The following ARL8B variants were observed in gnomAD, a reference collection of about 807,000 sequenced individuals.
ARL8B encodes the protein ARF like GTPase 8B, also known as ADP-ribosylation factor-like protein 8B.
ARL8B carries 9 observed loss-of-function variants against 30.6 expected under a neutral mutation model. The observed-to-expected ratio is 0.29, with a 90% CI of 0.18 to 0.51. The LOEUF (loss-of-function observed/expected upper bound fraction) is 0.51, where lower values mean the gene tolerates loss of function less well. ARL8B is among the 20% of genes least tolerant of loss of function. The probability of loss-of-function intolerance (pLI) is 0.97; values close to 1 mark genes in which losing one functional copy is unlikely to be tolerated. For missense variants in ARL8B, 130 were observed against 227.2 expected, an observed-to-expected ratio of 0.57 and a Z score of 2.75; for synonymous variants, 74 against 76.0, an observed-to-expected ratio of 0.97 and a Z score of 0.14.
At chr3:5,178,620 A>G in intron 6 of ARL8B, 44 bp from the exon 7 acceptor site, 1 of 1,567,484 alleles carries the variant, frequency 6.4e-7, no homozygotes, top group Non-Finnish European at 8.7e-7. Flanking sequence ...TTTGATGTTT[A>G]GTTTTTTAAC....
At chr3:5,171,616 G>A (rs919489971) in intron 2 of ARL8B, among the ~76,000 whole-genome samples, 4 of 152,154 alleles carry the variant, frequency 2.6e-5, no homozygotes, top group African/African-American at 9.7e-5. Context: ...CCAAAGTGCT[G>A]GGATTATAGG....
chr3:5,160,871 G>C lies in ARL8B; in HGVS notation c.124-9632G>C, dbSNP rs535327134. On this transcript the variant is annotated intron_variant, in intron 1 of 6. Coordinates refer to ENST00000256496, the MANE Select transcript of ARL8B (RefSeq NM_018184.3). ...AAAAATCCATGTTGCTACTATTTGG[G>C]ATGTTATAGATCCTGACAGGATAAA... Among the ~76,000 whole-genome samples, 38 of 152,296 alleles carry C rather than the reference G, an allele frequency of 2.5e-4. 1 individual carries two copies. In the South Asian group the frequency reaches 7.9e-3, roughly 32 times the overall value.
At chr3:5,165,146 G>A (rs2054613512) in intron 1 of ARL8B, among the ~76,000 whole-genome samples, 1 of 152,102 alleles carries the variant, frequency 6.6e-6, no homozygotes, top group Admixed American at 6.5e-5. Flanking sequence ...TGCAGCTAAT[G>A]ATCAGTTTGT....
intron 2 of ARL8B, among the ~76,000 whole-genome samples, chr3:5,171,602 C>T (rs1457758341): frequency 6.6e-6 from 1 of 152,206 alleles, no homozygotes; most frequent in Non-Finnish European, 1.5e-5. Flanking sequence ...CCCGCCTCGG[C>T]CTCCCAAAGT....
At chr3:5,165,361 T>C (rs1424497172) in intron 1 of ARL8B, among the ~76,000 whole-genome samples, 1 of 152,190 alleles carries the variant, frequency 6.6e-6, no homozygotes, top group Non-Finnish European at 1.5e-5. Flanking sequence ...AAAATGAGTA[T>C]TGGTAATTAT....
intron 1 of ARL8B, among the ~76,000 whole-genome samples, chr3:5,148,125 A>T (rs1487182854): frequency 6.6e-6 from 1 of 151,990 alleles, no homozygotes; most frequent in Non-Finnish European, 1.5e-5. Context: ...TCCTGTGAAT[A>T]GGCTATTCAT....
At chr3:5,174,161 TGA>T in intron 5 of ARL8B, 77 bp downstream of exon 5, 1 of 1,326,106 alleles carries the variant, frequency 7.5e-7, no homozygotes, top group South Asian at 1.2e-5. Context: ...TTATTCCTAA[TGA>T]TCATAGCCAT....
chr3:5,124,305 C>G (rs995480985), intron 1 of ARL8B, among the ~76,000 whole-genome samples: 1 of 130,856 alleles, frequency 7.6e-6, no homozygotes, highest in African/African-American at 2.9e-5. Context: ...CAAGATCTTC[C>G]TATGTTGCCA....
intron 1 of ARL8B, among the ~76,000 whole-genome samples, chr3:5,134,465 A>G (rs2054308576): frequency 6.6e-6 from 1 of 152,224 alleles, no homozygotes; most frequent in Non-Finnish European, 1.5e-5. Flanking sequence ...GTTTCTGGAA[A>G]GTGCCTGGCT....
At chr3:5,131,487 T>G (rs2054283538) in intron 1 of ARL8B, among the ~76,000 whole-genome samples, 1 of 150,412 alleles carries the variant, frequency 6.6e-6, no homozygotes, top group South Asian at 2.1e-4. Context: ...GCCTCCCGAG[T>G]TCAAGCGATT....
intron 1 of ARL8B, among the ~76,000 whole-genome samples, chr3:5,161,327 A>G (rs1024682821): frequency 4.6e-5 from 7 of 152,336 alleles, no homozygotes; most frequent in Admixed American, 2.6e-4. Flanking sequence ...AAACCCAGCA[A>G]TATTAACACT....
intron 4 of ARL8B, 97 bp downstream of exon 4, chr3:5,172,837 C>T: frequency 1.2e-6 from 1 of 817,658 alleles, no homozygotes; most frequent in Non-Finnish European, 1.9e-6. Context: ...AAATCAGTAA[C>T]ATGTCTTCAT....
At chr3:5,154,803 G>A (rs1050213695) in intron 1 of ARL8B, among the ~76,000 whole-genome samples, 2 of 152,126 alleles carry the variant, frequency 1.3e-5, no homozygotes, top group Admixed American at 1.3e-4. Flanking sequence ...CTCTGCCTCC[G>A]GGGTTCATGT....
chr3:5,129,141 A>G (rs1458959439), intron 1 of ARL8B, among the ~76,000 whole-genome samples: 1 of 151,592 alleles, frequency 6.6e-6, no homozygotes, highest in Non-Finnish European at 1.5e-5. Context: ...GAAAGTGTAC[A>G]CTCCCACTGA....
chr3:5,147,151 C>T (rs186796694), intron 1 of ARL8B, among the ~76,000 whole-genome samples: 1 of 152,168 alleles, frequency 6.6e-6, no homozygotes, highest in East Asian at 1.9e-4. Context: ...TAGGATATCT[C>T]CTAATGCTAT....
chr3:5,153,492 C>T (rs190600128), intron 1 of ARL8B, among the ~76,000 whole-genome samples: 2 of 152,206 alleles, frequency 1.3e-5, no homozygotes, highest in African/African-American at 4.8e-5. Flanking sequence ...CCACATGGAA[C>T]TGTTAAATCC....
intron 5 of ARL8B, 72 bp from the exon 6 acceptor site, chr3:5,174,272 G>A (rs2054705324): frequency 2.5e-6 from 3 of 1,209,750 alleles, no homozygotes; most frequent in Non-Finnish European, 3.7e-6. Context: ...AAACTAATGA[G>A]TAAAATTGAA....
chr3:5,133,496 CA>C (rs987982886), intron 1 of ARL8B, among the ~76,000 whole-genome samples: 3 of 152,158 alleles, frequency 2.0e-5, no homozygotes, highest in Non-Finnish European at 4.4e-5. Flanking sequence ...AGGTACAGGA[CA>C]AAGGGGAATT....
chr3:5,176,643 A>C (rs1313686547), intron 6 of ARL8B, among the ~76,000 whole-genome samples: 1 of 152,216 alleles, frequency 6.6e-6, no homozygotes, highest in Non-Finnish European at 1.5e-5. Context: ...GATAGACACA[A>C]ATTTTCCTTT....
Sources: allele counts gnomAD v4.1 joint callset (sites outside exome capture counted in the v4.1 genomes callset), GRCh38; gene constraint gnomAD v4.1.1; transcripts MANE v1.5; gene names NCBI Gene and HGNC (gene_info 2026-07-23, HGNC 2026-07-21).